The following PDE8B variants were observed in gnomAD, a reference collection of about 807,000 sequenced individuals.
PDE8B encodes phosphodiesterase 8B.
Under a neutral mutation model 101.3 loss-of-function variants are expected in PDE8B, and 26 were observed. The ratio of observed to expected loss-of-function variants is 0.26; its 90% CI spans 0.19 to 0.36. The LOEUF (loss-of-function observed/expected upper bound fraction) is 0.36, where lower values mean the gene tolerates loss of function less well. Among genes scored for constraint, PDE8B ranks in the 10% least tolerant of loss-of-function variants. The pLI is 1.00. For missense variants in PDE8B, 810 were observed against 1,163.1 expected (o/e 0.70, Z 4.42); for synonymous variants, 424 against 429.3 (o/e 0.99, Z 0.15).
rs534942577 is a variant in PDE8B at position 77,421,704 on chromosome 5, G to A, written c.2251-117G>A. The A allele has an allele frequency of 4.2e-5, 38 of 905,300 alleles. No homozygotes were observed. The East Asian group carries it at 5.4e-4, about 13-fold the overall frequency. The allele number at this position is 905,300 out of a possible 1,614,324, so 56.1% of individuals were successfully genotyped here. On this transcript the variant is annotated intron_variant, in intron 19 of 21. Transcript: ENST00000264917. Reference sequence around the variant, plus strand: ...ATTTAAAAAAGGAAAAGCTGCCTTCGCCGAGTCCCAGTCCTACCTGTGTGC... The same window carrying A: ...ATTTAAAAAAGGAAAAGCTGCCTTCACCGAGTCCCAGTCCTACCTGTGTGC...
intron 1 of PDE8B, among the ~76,000 whole-genome samples, chr5:77,274,196 G>T (rs1422905146): frequency 6.6e-6 from 1 of 152,084 alleles, no homozygotes; most frequent in African/African-American, 2.4e-5. Flanking sequence ...AAATGTTTAG[G>T]TACATATATA....
At chr5:77,262,295 T>C (rs1174398359) in intron 1 of PDE8B, among the ~76,000 whole-genome samples, 1 of 152,142 alleles carries the variant, frequency 6.6e-6, no homozygotes, top group Non-Finnish European at 1.5e-5. Flanking sequence ...CTCTTTATGC[T>C]TCTTCTGACA....
intron 1 of PDE8B, among the ~76,000 whole-genome samples, chr5:77,236,542 C>T (rs1011427215): frequency 1.3e-5 from 2 of 152,184 alleles, no homozygotes; most frequent in African/African-American, 2.4e-5. Flanking sequence ...AAGTGATTAA[C>T]TGTGTCACAT....
At chr5:77,343,409 A>G (rs1189108791) in intron 6 of PDE8B, among the ~76,000 whole-genome samples, 2 of 152,252 alleles carry the variant, frequency 1.3e-5, no homozygotes, top group Non-Finnish European at 2.9e-5. Flanking sequence ...AAACCTGTAG[A>G]GCATGTTACT....
chr5:77,321,024 T>G (rs1774938306), intron 2 of PDE8B, among the ~76,000 whole-genome samples: 1 of 63,850 alleles, frequency 1.6e-5, no homozygotes, highest in Non-Finnish European at 3.3e-5. Flanking sequence ...ATAGTGCAAT[T>G]TTTTTTTTCA....
chr5:77,130,428 G>A, the PDE8B span, among the ~76,000 whole-genome samples: 2 of 152,052 alleles, frequency 1.3e-5, no homozygotes, highest in Admixed American at 6.6e-5. Context: ...AATATACTTC[G>A]GGGCGGGGAG....
At chr5:77,310,848 A>C (rs1772439106) in intron 1 of PDE8B, among the ~76,000 whole-genome samples, 1 of 152,338 alleles carries the variant, frequency 6.6e-6, no homozygotes, top group Non-Finnish European at 1.5e-5. Flanking sequence ...GAGGAGAAGA[A>C]GACTGGTGCT....
chr5:77,299,725 A>C (rs922866417), intron 1 of PDE8B, among the ~76,000 whole-genome samples: 5 of 152,118 alleles, frequency 3.3e-5, no homozygotes, highest in Non-Finnish European at 7.4e-5. Flanking sequence ...TAGTGCCACA[A>C]TAAACATACG....
the PDE8B span, chr5:77,146,662 A>G: frequency 1.3e-5 from 4 of 300,122 alleles, no homozygotes; most frequent in Non-Finnish European, 2.6e-5. Context: ...AGAAGCACCC[A>G]GATGGTTCAG....
intron 1 of PDE8B, among the ~76,000 whole-genome samples, chr5:77,244,684 C>G (rs1756502686): frequency 6.6e-6 from 1 of 152,086 alleles, no homozygotes; most frequent in Admixed American, 6.5e-5. Context: ...ATTCTCACTG[C>G]AACCCCACAG....
At chr5:77,112,774 T>A in the PDE8B span, 344 of 152,284 alleles carry the variant, frequency 2.3e-3, 2 homozygotes, top group African/African-American at 7.8e-3. Flanking sequence ...AGCCCCATCA[T>A]CTCAGCCCAA....
At chr5:77,249,030 T>G (rs1757534964) in intron 1 of PDE8B, among the ~76,000 whole-genome samples, 1 of 152,220 alleles carries the variant, frequency 6.6e-6, no homozygotes, top group South Asian at 2.1e-4. Flanking sequence ...AAATTTCTGT[T>G]GTTTAAGGCA....
upstream of PDE8B, among the ~76,000 whole-genome samples, chr5:77,209,978 A>T (rs1030785444): frequency 6.6e-6 from 1 of 152,178 alleles, no homozygotes; most frequent in African/African-American, 2.4e-5. Context: ...CATCCAACTC[A>T]GCCTTCGGAG....
chr5:77,200,346 A>G, the PDE8B span, among the ~76,000 whole-genome samples: 16 of 152,148 alleles, frequency 1.1e-4, no homozygotes, highest in African/African-American at 3.9e-4. Flanking sequence ...ATTTGCAAAT[A>G]AAAATTTGCT....
chr5:77,156,739 G>A, the PDE8B span, among the ~76,000 whole-genome samples: 1 of 152,098 alleles, frequency 6.6e-6, no homozygotes, highest in Non-Finnish European at 1.5e-5. Context: ...GGAAAGGAAG[G>A]AGCTCCACCC....
chr5:77,187,800 A>G, the PDE8B span, among the ~76,000 whole-genome samples: 1 of 152,328 alleles, frequency 6.6e-6, no homozygotes, highest in South Asian at 2.1e-4. Context: ...TAAGACAATT[A>G]CACTGAGGCA....
chr5:77,096,753 G>A, the PDE8B span, among the ~76,000 whole-genome samples: 2,513 of 152,214 alleles, frequency 0.017, 74 homozygotes, highest in African/African-American at 0.057. Context: ...CCCTCCAATC[G>A]CTGCCTCTGT....
intron 7 of PDE8B, among the ~76,000 whole-genome samples, chr5:77,346,848 T>C (rs1180877959): frequency 6.6e-6 from 1 of 152,230 alleles, no homozygotes; most frequent in Non-Finnish European, 1.5e-5. Context: ...GTTATATGTA[T>C]GGTGAAATTA....
At chr5:77,363,378 A>C (rs1289798629) in intron 10 of PDE8B, among the ~76,000 whole-genome samples, 2 of 152,176 alleles carry the variant, frequency 1.3e-5, no homozygotes, top group Non-Finnish European at 2.9e-5. Flanking sequence ...ATGACTTCAT[A>C]GAGGAGGTGT....
Sources: allele counts gnomAD v4.1 joint callset (sites outside exome capture counted in the v4.1 genomes callset), GRCh38; gene constraint gnomAD v4.1.1; transcripts MANE v1.5; gene names NCBI Gene and HGNC (gene_info 2026-07-23, HGNC 2026-07-21).